The following RFX3 variants were observed in gnomAD, a reference collection of about 807,000 sequenced individuals.
The protein encoded by RFX3 is regulatory factor X3, also known as transcription factor RFX3.
RFX3 carries 14 observed loss-of-function variants against 98.6 expected under a neutral mutation model. That is an observed-to-expected ratio of 0.14 (90% CI 0.09 to 0.22). RFX3 has a LOEUF of 0.22. Among genes scored for constraint, RFX3 ranks in the 10% least tolerant of loss-of-function variants. The probability of loss-of-function intolerance (pLI) is 1.00; values close to 1 mark genes in which losing one functional copy is unlikely to be tolerated. For synonymous variants in RFX3, 383 were observed against 328.4 expected (o/e 1.17, Z -1.80); for missense variants, 639 against 926.9 (o/e 0.69, Z 4.03).
chr9:3,381,161 C>A (rs555257222), intron 2 of RFX3, among the ~76,000 whole-genome samples: 18 of 151,720 alleles, frequency 1.2e-4, no homozygotes, highest in African/African-American at 3.6e-4. Flanking sequence ...GGCAACAAAC[C>A]CTCAAAGTCA....
chr9:3,322,045 T>A (rs1222228790), intron 4 of RFX3, among the ~76,000 whole-genome samples: 1 of 152,076 alleles, frequency 6.6e-6, no homozygotes, highest in African/African-American at 2.4e-5. Flanking sequence ...CATTTTAATA[T>A]CTGATAGGTT....
intron 4 of RFX3, among the ~76,000 whole-genome samples, chr9:3,306,096 T>C (rs1031625422): frequency 6.6e-6 from 1 of 152,070 alleles, no homozygotes; most frequent in Admixed American, 6.6e-5. Flanking sequence ...GACTGTCATA[T>C]TTAAGGTAGG....
At chr9:3,475,626 T>G (rs999513275) in intron 1 of RFX3, among the ~76,000 whole-genome samples, 4 of 152,242 alleles carry the variant, frequency 2.6e-5, no homozygotes, top group African/African-American at 9.6e-5. Context: ...CAATATTGTT[T>G]CTGCATATCA....
intron 1 of RFX3, among the ~76,000 whole-genome samples, chr9:3,484,010 C>T (rs1217028306): frequency 6.6e-6 from 1 of 152,112 alleles, no homozygotes; most frequent in Non-Finnish European, 1.5e-5. Flanking sequence ...ATATATATAA[C>T]ATCCCAGGTG....
intron 2 of RFX3, among the ~76,000 whole-genome samples, chr9:3,358,059 G>A (rs1363187213): frequency 6.6e-6 from 1 of 151,866 alleles, no homozygotes; most frequent in African/African-American, 2.4e-5. Context: ...TGGAAAAATT[G>A]GTTAATTTGA....
At chr9:3,459,546 C>T (rs1307471788) in intron 1 of RFX3, among the ~76,000 whole-genome samples, 6 of 152,010 alleles carry the variant, frequency 3.9e-5, no homozygotes, top group African/African-American at 1.4e-4. Context: ...AACTAAAAAG[C>T]GACCCGAATC....
intron 1 of RFX3, among the ~76,000 whole-genome samples, chr9:3,399,494 T>G (rs1841260842): frequency 1.3e-5 from 2 of 151,996 alleles, no homozygotes; most frequent in South Asian, 2.1e-4. Flanking sequence ...TTGAAACATC[T>G]GAAAATTTTA....
At chr9:3,271,161 T>C (rs776394092) in intron 9 of RFX3, 43 bp from the exon 10 acceptor site, 53 of 1,544,266 alleles carry the variant, frequency 3.4e-5, no homozygotes, top group Admixed American at 2.8e-4. Context: ...CAATATTATT[T>C]ACGGGACTGT....
At chr9:3,275,476 C>T (rs955165620) in intron 9 of RFX3, 24 bp downstream of exon 9, 1 of 1,337,954 alleles carries the variant, frequency 7.5e-7, no homozygotes, top group Non-Finnish European at 1.1e-6. Context: ...AGCATGTGTT[C>T]ATACTACATT....
At chr9:3,288,908 C>A (rs765551070) in intron 6 of RFX3, among the ~76,000 whole-genome samples, 1 of 151,926 alleles carries the variant, frequency 6.6e-6, no homozygotes, top group Non-Finnish European at 1.5e-5. Context: ...GCAGGCTAAA[C>A]AGGATTTGTC....
intron 1 of RFX3, among the ~76,000 whole-genome samples, chr9:3,457,059 T>C (rs573916249): frequency 1.4e-5 from 2 of 141,888 alleles, no homozygotes; most frequent in South Asian, 4.3e-4. Context: ...GAGAATAGCT[T>C]GAACCCGGGA....
chr9:3,396,944 G>T (rs1330641837), intron 1 of RFX3, among the ~76,000 whole-genome samples: 1 of 152,084 alleles, frequency 6.6e-6, no homozygotes, highest in Non-Finnish European at 1.5e-5. Context: ...CTTAGCCAAA[G>T]AATCAAGTTA....
Position 3,301,580 on chromosome 9 carries a change from A to G in RFX3, c.515T>C (p.Leu172Pro). The G allele has an allele frequency of 6.2e-7, 1 of 1,602,466 alleles. No homozygotes were observed. The highest frequency in any genetic ancestry group is 8.5e-7 in the Non-Finnish European group (1 of 1,171,928). Residue 172 changes from leucine to proline, a missense_variant, in exon 5 of 17, where the codon CTG (leucine) becomes CCG (proline). This residue lies in a region of RFX3 where 16 missense variants were observed against 30.0 expected (regional missense o/e 0.53). Transcript: ENST00000617270. ...AIETLQKSDG[L>P]STHRSSLLNS... is the part of the protein sequence containing the mutation. ...GAGAAGAGAGCTTCTGTGAGTGGAC[A>G]GACCGTCAGACTTTTGCAGCGTCTC...
At chr9:3,473,127 G>A (rs983637251) in intron 1 of RFX3, among the ~76,000 whole-genome samples, 1 of 152,110 alleles carries the variant, frequency 6.6e-6, no homozygotes, top group African/African-American at 2.4e-5. Flanking sequence ...GAATCTCAAT[G>A]GTAGGCAAAC....
intron 16 of RFX3, among the ~76,000 whole-genome samples, chr9:3,226,033 GC>G (rs1417608877): frequency 6.6e-6 from 1 of 152,068 alleles, no homozygotes; most frequent in African/African-American, 2.4e-5. Context: ...ATAATAGAAT[GC>G]CATTTAATTT....
chr9:3,301,716 T>C (rs1828681155), intron 4 of RFX3, 96 bp from the exon 5 acceptor site: 3 of 826,932 alleles, frequency 3.6e-6, no homozygotes, highest in South Asian at 3.6e-5. Context: ...GTCCAACTTC[T>C]TCCTCAACGG....
chr9:3,466,436 C>T (rs1848225910), intron 1 of RFX3, among the ~76,000 whole-genome samples: 1 of 152,044 alleles, frequency 6.6e-6, no homozygotes, highest in Non-Finnish European at 1.5e-5. Context: ...ATGTTTTAGT[C>T]AAATGCATAT....
At chr9:3,366,586 C>A (rs764767079) in intron 2 of RFX3, among the ~76,000 whole-genome samples, 13 of 151,912 alleles carry the variant, frequency 8.6e-5, no homozygotes, top group Non-Finnish European at 1.5e-4. Flanking sequence ...TTAAATAAAA[C>A]AAGTTCTTTC....
chr9:3,432,707 T>C (rs1368014930), intron 1 of RFX3, among the ~76,000 whole-genome samples: 1 of 152,126 alleles, frequency 6.6e-6, no homozygotes, highest in Admixed American at 6.5e-5. Flanking sequence ...TCCAAACCAA[T>C]GCCAGATTAT....
Sources: gnomAD v4.1 joint callset for allele counts (sites outside exome capture counted in the v4.1 genomes callset) on GRCh38, gnomAD v4.1.1 for gene constraint, gnomAD v4.1.1 regional missense constraint, MANE v1.5 for transcripts, NCBI Gene and HGNC (gene_info 2026-07-23, HGNC 2026-07-21) for gene names.